EIF2AK3: variants seen among roughly 807,000 people sequenced by gnomAD.
EIF2AK3 encodes the protein eukaryotic translation initiation factor 2-alpha kinase 3.
Under a neutral mutation model 113.5 loss-of-function variants are expected in EIF2AK3, and 50 were observed. The observed-to-expected ratio is 0.44, with a 90% CI of 0.35 to 0.56. EIF2AK3 has a LOEUF of 0.56. Among genes scored for constraint, EIF2AK3 ranks in the 20% least tolerant of loss-of-function variants. The pLI is 0.00. For synonymous variants in EIF2AK3, 448 were observed against 495.4 expected (o/e 0.90, Z 1.27); for missense variants, 1,185 against 1,378.0 (o/e 0.86, Z 2.22).
At chr2:88,617,600 A>T (rs762855035) in intron 1 of EIF2AK3, among the ~76,000 whole-genome samples, 59 of 151,540 alleles carry the variant, frequency 3.9e-4, no homozygotes, top group South Asian at 1.3e-3. Flanking sequence ...CTAAAATATA[A>T]AAAAAAATTA....
Position 88,575,384 on chromosome 2 carries a change from A to G in EIF2AK3, c.2099T>C (p.Met700Thr), listed in dbSNP as rs751013573. Residue 700 changes from methionine to threonine, a missense_variant, in exon 13 of 17, where the codon ATG becomes ACG. Met to Thr is a moderately conservative substitution (Grantham distance 81). Transcript: ENST00000303236. Reference protein sequence around the residue: ...MDAPSVKIRRMDPFATKEHIE... With the variant: ...MDAPSVKIRRTDPFATKEHIE... Reference sequence around the variant, plus strand: ...ATGTTCTTTTGTAGCGAAAGGATCCATTCTGCGTATTTTAACTGATGGTGC... The same window carrying G: ...ATGTTCTTTTGTAGCGAAAGGATCCGTTCTGCGTATTTTAACTGATGGTGC... 1.2e-6 allele frequency: 2 copies of G among 1,613,612 alleles called. No homozygotes were observed. Among genetic ancestry groups the G allele is most frequent in the Admixed American group, 1.7e-5 (1 of 60,016 alleles).
intron 2 of EIF2AK3, among the ~76,000 whole-genome samples, chr2:88,599,914 C>A (rs2104450968): frequency 6.6e-6 from 1 of 152,194 alleles, no homozygotes; most frequent in East Asian, 1.9e-4. Flanking sequence ...ACAGACTGAC[C>A]AACCAACCTT....
intron 14 of EIF2AK3, among the ~76,000 whole-genome samples, chr2:88,562,751 A>C (rs563290882): frequency 6.6e-6 from 1 of 152,094 alleles, no homozygotes; most frequent in Admixed American, 6.5e-5. Context: ...ATCTAAAGCA[A>C]ATCTTTCATT....
chr2:88,612,502 T>C (rs567994502), intron 2 of EIF2AK3, among the ~76,000 whole-genome samples: 2 of 152,366 alleles, frequency 1.3e-5, no homozygotes, highest in South Asian at 4.1e-4. Context: ...CATAATACAA[T>C]AGAAGTTCTC....
rs1673817487 is a variant in EIF2AK3, at chr2:88,557,702, C to T, written c.*34G>A. 2 of 1,605,662 alleles carry T rather than the reference C, an allele frequency of 1.2e-6. No individual in the cohort carries two copies. The highest frequency in any genetic ancestry group is 1.3e-5 in the African/African-American group (1 of 74,864). On this transcript the variant is annotated 3_prime_UTR_variant, in exon 17 of 17. Transcript: ENST00000303236. Reference sequence around the variant, plus strand: ...ATTCTAAGAAGTAGGCTATTATCTGCATCACCTATTAGGGTTGCTAGCACA... The same window carrying T: ...ATTCTAAGAAGTAGGCTATTATCTGTATCACCTATTAGGGTTGCTAGCACA...
At chr2:88,585,234 G>A (rs139381305) in intron 9 of EIF2AK3, among the ~76,000 whole-genome samples, 1 of 152,128 alleles carries the variant, frequency 6.6e-6, no homozygotes, top group Non-Finnish European at 1.5e-5. Flanking sequence ...ACTGATAAGG[G>A]AGAGCAAAAT....
chr2:88,595,627 C>CATCCA lies in EIF2AK3; in HGVS notation c.470_474dup (p.Gly159TrpfsTer44). The CATCCA allele has an allele frequency of 1.2e-6, 2 of 1,614,008 alleles. No individual in the cohort carries two copies. The highest frequency in any genetic ancestry group is 1.7e-6 in the Non-Finnish European group (2 of 1,179,952). ...TCTTGGTCCCACTGGAAGAGGGCTC[C>CATCCA]ATCCAGGGAAGGAATGATCATCTTA... On this transcript the variant is annotated frameshift_variant, in exon 3 of 17. Coordinates refer to ENST00000303236, the MANE Select transcript of EIF2AK3 (RefSeq NM_004836.7). LOFTEE classifies it high-confidence loss of function.
Position 88,627,228 on chromosome 2 carries a change from AGCAG to A in EIF2AK3, c.43_46del (p.Leu15CysfsTer55). The A allele has an allele frequency of 6.8e-7, 1 of 1,478,330 alleles. No homozygotes were observed. The highest frequency in any genetic ancestry group is 2.9e-5 in the East Asian group (1 of 34,136). The allele number at this position is 1,478,330 out of a possible 1,614,324, so 91.6% of individuals were successfully genotyped here. A position where few individuals can be genotyped will look rare whatever the true frequency, so the allele number is the denominator to read the frequency against. On this transcript the variant is annotated frameshift_variant, in exon 1 of 17. Transcript: ENST00000303236. LOFTEE classifies it high-confidence loss of function. ...CGCGAGCCCCAGCAGCAGCAGCAGC[AGCAG>A]CAGCGCCCGTACCAGCAGCCCCGGG...
intron 2 of EIF2AK3, among the ~76,000 whole-genome samples, chr2:88,601,912 C>T (rs1243599762): frequency 3.1e-5 from 4 of 129,520 alleles, no homozygotes; most frequent in East Asian, 5.0e-4. Context: ...AGTGTAGTGG[C>T]GCAATCTCGG....
Position 88,557,688 on chromosome 2 carries a change from TA to T in EIF2AK3, c.*47del, listed in dbSNP as rs1673816917. 6.3e-7 allele frequency: 1 copy of T among 1,593,158 alleles called. No homozygotes were observed. Among genetic ancestry groups the T allele is most frequent in the East Asian group, 2.2e-5 (1 of 44,766 alleles). On this transcript the variant is annotated 3_prime_UTR_variant, in exon 17 of 17. Transcript: ENST00000303236. ...TTTTGGACAGGCATATTCTAAGAAG[TA>T]GGCTATTATCTGCATCACCTATTAG...
intron 1 of EIF2AK3, among the ~76,000 whole-genome samples, chr2:88,615,978 G>T (rs571565521): frequency 8.2e-4 from 124 of 151,842 alleles, no homozygotes; most frequent in African/African-American, 2.8e-3. Flanking sequence ...AGCCATTTCT[G>T]CCCTCCATGA....
chr2:88,558,050 T>G (rs1673831331), intron 16 of EIF2AK3, 114 bp from the exon 17 acceptor site: 1 of 1,101,312 alleles, frequency 9.1e-7, no homozygotes, highest in African/African-American at 1.6e-5. Flanking sequence ...TTGAGCCATA[T>G]TCGAGTTTTC....
chr2:88,627,179 G>A lies in EIF2AK3; in HGVS notation c.96C>T (p.Arg32=). 2 of 1,444,552 alleles carry A rather than the reference G, an allele frequency of 1.4e-6. No homozygotes were observed. The highest frequency in any genetic ancestry group is 3.0e-5 in the East Asian group (1 of 32,820). The allele number at this position is 1,444,552 out of a possible 1,614,324, so 89.5% of individuals were successfully genotyped here. A position where few individuals can be genotyped will look rare whatever the true frequency, so the allele number is the denominator to read the frequency against. ...CCGTCGGCGCTGGGAGGCCACGGGC[G>A]CGCCCCGCGGCCACCGTCCTTGCCG... The part of the protein sequence containing the change: ...GLAARTVAAG[R]ARGLPAPTAE... The change falls in exon 1 of 17, where the codon CGC becomes CGT. Residue 32 remains arginine (R), a synonymous_variant. Coordinates refer to ENST00000303236, the MANE Select transcript of EIF2AK3 (RefSeq NM_004836.7).
chr2:88,566,581 C>A (rs944399413), intron 14 of EIF2AK3, among the ~76,000 whole-genome samples: 2 of 151,864 alleles, frequency 1.3e-5, no homozygotes, highest in African/African-American at 4.8e-5. Context: ...CACAGGTAAA[C>A]GTGTGCCATG....
intron 3 of EIF2AK3, among the ~76,000 whole-genome samples, chr2:88,593,670 A>G (rs1558656194): frequency 6.6e-6 from 1 of 152,220 alleles, no homozygotes; most frequent in Non-Finnish European, 1.5e-5. Flanking sequence ...ATTTCCATAG[A>G]ATATACAAGA....
In EIF2AK3 at chr2:88,616,663, G is replaced by A. The variant is rs1381451172; in HGVS notation, c.309-2810C>T. On this transcript the variant is annotated intron_variant, in intron 1 of 16. Transcript: ENST00000303236. Reference sequence around the variant, plus strand: ...GCTGGTCTTGAACTCCTGACCTGAGGTGATCCGCCCACCTCAGCCTCCCAA... The same window carrying A: ...GCTGGTCTTGAACTCCTGACCTGAGATGATCCGCCCACCTCAGCCTCCCAA... 3.3e-5 allele frequency among the ~76,000 whole-genome samples: 5 copies of A among 152,202 alleles called. No individual in the cohort carries two copies. In the East Asian group the frequency reaches 9.7e-4, roughly 29 times the overall value.
chr2:88,585,335 G>A (rs67887179), intron 9 of EIF2AK3, among the ~76,000 whole-genome samples: 33 of 152,102 alleles, frequency 2.2e-4, no homozygotes, highest in African/African-American at 6.5e-4. Context: ...GGGAATGGGA[G>A]GGGAAATGAG....
intron 3 of EIF2AK3, 120 bp downstream of exon 3, chr2:88,595,349 G>T: frequency 2.0e-6 from 2 of 996,230 alleles, no homozygotes; most frequent in African/African-American, 1.6e-5. Flanking sequence ...TAAAACAAAT[G>T]ACAACCTCAG....
At chr2:88,623,992 C>CTTT (rs1481832170) in intron 1 of EIF2AK3, among the ~76,000 whole-genome samples, 1 of 151,668 alleles carries the variant, frequency 6.6e-6, no homozygotes, top group African/African-American at 2.4e-5. Flanking sequence ...TTTCATTTTC[C>CTTT]TTTTCTTTTT....
Sources: gnomAD v4.1 joint callset for allele counts (sites outside exome capture counted in the v4.1 genomes callset) on GRCh38, gnomAD v4.1.1 for gene constraint, MANE v1.5 for transcripts, NCBI Gene and HGNC (gene_info 2026-07-23, HGNC 2026-07-21) for gene names.